Variants in LAMA1 observed in about 807,000 individuals in gnomAD.
The protein encoded by LAMA1 is laminin subunit alpha 1.
Under a neutral mutation model 348.7 loss-of-function variants are expected in LAMA1, and 219 were observed. That is an observed-to-expected ratio of 0.63 (90% CI 0.56 to 0.70). The LOEUF is 0.70. Ranked by LOEUF, LAMA1 falls within the 30% of genes least tolerant of loss-of-function variation. LAMA1 has a pLI of 0.00. For synonymous variants in LAMA1, 1,487 were observed against 1,491.0 expected (o/e 1.00, Z 0.06); for missense variants, 3,744 against 3,888.0 (o/e 0.96, Z 0.99).
chr18:7,026,445 T>C (rs2057943791), intron 16 of LAMA1, among the ~76,000 whole-genome samples: 1 of 152,162 alleles, frequency 6.6e-6, no homozygotes, highest in African/African-American at 2.4e-5. Context: ...GAGTGGGATA[T>C]GCACGTGGTC....
chr18:7,030,969 T>G (rs1274643689), intron 16 of LAMA1, among the ~76,000 whole-genome samples: 2 of 152,162 alleles, frequency 1.3e-5, no homozygotes. Context: ...CTGGAGGGAC[T>G]GAGTCTGCCC....
At chr18:7,083,707 T>G (rs1316361068) in intron 1 of LAMA1, among the ~76,000 whole-genome samples, 1 of 152,162 alleles carries the variant, frequency 6.6e-6, no homozygotes, top group Non-Finnish European at 1.5e-5. Context: ...TTATATTTAC[T>G]CCCTTTTCAT....
chr18:6,979,954 T>C (rs2057703258), intron 42 of LAMA1, among the ~76,000 whole-genome samples: 1 of 152,202 alleles, frequency 6.6e-6, no homozygotes, highest in Non-Finnish European at 1.5e-5. Flanking sequence ...AGAACCACCA[T>C]CTGCTCTAAT....
At chr18:6,990,842 A>G (rs983170647) in intron 36 of LAMA1, among the ~76,000 whole-genome samples, 2 of 152,012 alleles carry the variant, frequency 1.3e-5, no homozygotes, top group African/African-American at 4.8e-5. Context: ...TTAGACTCAA[A>G]CAGATTCAGG....
At chr18:7,033,816 C>T (rs1033088216) in intron 14 of LAMA1, among the ~76,000 whole-genome samples, 3 of 151,970 alleles carry the variant, frequency 2.0e-5, no homozygotes, top group Admixed American at 6.6e-5. Flanking sequence ...CTCACTGCAA[C>T]GTGCACCTCC....
intron 36 of LAMA1, among the ~76,000 whole-genome samples, chr18:6,988,864 TC>T (rs1432169051): frequency 1.5e-5 from 2 of 135,358 alleles, no homozygotes; most frequent in African/African-American, 5.5e-5. Flanking sequence ...AGCATGGAAA[TC>T]ATTTGAAAAA....
chr18:7,090,716 A>AAGGGAGGGAGAG (rs2058236528), intron 1 of LAMA1, among the ~76,000 whole-genome samples: 3 of 147,340 alleles, frequency 2.0e-5, no homozygotes, highest in African/African-American at 4.9e-5. Flanking sequence ...AGAGAGAAGG[A>AAGGGAGGGAGAG]AGGGAGGGAG....
At chr18:7,055,112 CTGTGTGTGTGTG>C (rs147015838) in intron 3 of LAMA1, among the ~76,000 whole-genome samples, 1 of 145,234 alleles carries the variant, frequency 6.9e-6, no homozygotes, top group Non-Finnish European at 1.5e-5. Flanking sequence ...CAAGGGTCAG[CTGTGTGTGTGTG>C]TGTGTGTGTG....
intron 14 of LAMA1, among the ~76,000 whole-genome samples, chr18:7,034,088 C>T (rs953511994): frequency 2.0e-5 from 3 of 152,108 alleles, no homozygotes; most frequent in Non-Finnish European, 1.5e-5. Flanking sequence ...ATTGTCCTCC[C>T]GAAAGTAATC....
chr18:7,117,467 C>G (rs940420381), intron 1 of LAMA1, among the ~76,000 whole-genome samples, 193 bp downstream of exon 1: 1 of 152,128 alleles, frequency 6.6e-6, no homozygotes, highest in Non-Finnish European at 1.5e-5. Flanking sequence ...GGGCAGCGTC[C>G]GGCAGGAGCG....
At chr18:6,956,865 C>T in intron 55 of LAMA1, 100 bp from the exon 56 acceptor site, 1 of 1,338,642 alleles carries the variant, frequency 7.5e-7, no homozygotes, top group Non-Finnish European at 1.1e-6. Flanking sequence ...CAATTAAAAA[C>T]CATGTATATA....
chr18:7,071,014 G>C (rs2058143891), intron 3 of LAMA1, among the ~76,000 whole-genome samples: 1 of 151,998 alleles, frequency 6.6e-6, no homozygotes. Context: ...GGACCCTACT[G>C]AGCAGGCAAA....
chr18:7,095,130 C>G (rs1377468216), intron 1 of LAMA1, among the ~76,000 whole-genome samples: 1 of 28,302 alleles, frequency 3.5e-5, no homozygotes, highest in East Asian at 1.2e-3. Context: ...CTTTCTCTCT[C>G]TCTCTCTCTC....
intron 33 of LAMA1, among the ~76,000 whole-genome samples, chr18:6,997,264 A>G (rs557878293): frequency 1.3e-5 from 2 of 152,168 alleles, no homozygotes; most frequent in Non-Finnish European, 2.9e-5. Context: ...GGGTTTCACC[A>G]CGTTGGCCAG....
chr18:7,074,854 A>ACATT (rs10678867), intron 3 of LAMA1, among the ~76,000 whole-genome samples: 10 of 151,178 alleles, frequency 6.6e-5, no homozygotes, highest in African/African-American at 1.9e-4. Flanking sequence ...ACTAAAATAA[A>ACATT]CAGTAGTTAA....
chr18:6,998,543 G>A (rs1329139743), intron 32 of LAMA1, among the ~76,000 whole-genome samples: 3 of 152,144 alleles, frequency 2.0e-5, no homozygotes, highest in Non-Finnish European at 2.9e-5. Flanking sequence ...ACAAGTACAA[G>A]TGAAGGACAC....
chr18:7,036,618 C>A (rs982668554), intron 12 of LAMA1, among the ~76,000 whole-genome samples: 10 of 151,784 alleles, frequency 6.6e-5, no homozygotes, highest in Non-Finnish European at 1.3e-4. Flanking sequence ...CAACTTTGCA[C>A]CATAAAATTG....
intron 3 of LAMA1, among the ~76,000 whole-genome samples, chr18:7,067,771 AT>A (rs2058128810): frequency 6.6e-6 from 1 of 152,088 alleles, no homozygotes; most frequent in East Asian, 1.9e-4. Flanking sequence ...AGGCTTTCTA[AT>A]TTCCAGGCCT....
At chr18:6,996,996 A>T (rs2057784072) in intron 33 of LAMA1, among the ~76,000 whole-genome samples, 1 of 152,110 alleles carries the variant, frequency 6.6e-6, no homozygotes, top group African/African-American at 2.4e-5. Context: ...AGAATAATAC[A>T]CTTTAAAAAT....
Sources: allele counts gnomAD v4.1 joint callset (sites outside exome capture counted in the v4.1 genomes callset), GRCh38; gene constraint gnomAD v4.1.1; transcripts MANE v1.5; gene names NCBI Gene and HGNC (gene_info 2026-07-23, HGNC 2026-07-21).